INTS1: variants seen among roughly 807,000 people sequenced by gnomAD.
INTS1 encodes the protein integrator complex subunit 1.
Under a neutral mutation model 241.6 loss-of-function variants are expected in INTS1, and 137 were observed. That is an observed-to-expected ratio of 0.57 (90% CI 0.49 to 0.65). The LOEUF (loss-of-function observed/expected upper bound fraction) is 0.65. INTS1 is among the 30% of genes least tolerant of loss of function. The pLI is 0.00. For synonymous variants in INTS1, 1,692 were observed against 1,337.8 expected (o/e 1.26, Z -5.78); for missense variants, 3,073 against 3,032.2 (o/e 1.01, Z -0.32).
At chr7:1,478,063 G>A in intron 33 of INTS1, 127 bp from the exon 34 acceptor site, 1 of 850,152 alleles carries the variant, frequency 1.2e-6, no homozygotes, top group East Asian at 2.5e-5. Context: ...AGTCCAGCCG[G>A]AGCCAGAGAG....
At chr7:1,479,401 T>C (rs1781884683) in intron 31 of INTS1, 29 bp downstream of exon 31, 1 of 1,551,748 alleles carries the variant, frequency 6.4e-7, no homozygotes, top group Middle Eastern at 1.8e-4. Context: ...ACTGCCCTCC[T>C]CCCCCGCAAG....
At chr7:1,504,099 G>A (rs1783345086) in intron 1 of INTS1, 98 bp from the exon 2 acceptor site, 1 of 659,106 alleles carries the variant, frequency 1.5e-6, no homozygotes, top group Non-Finnish European at 2.5e-6. Context: ...TGGGACCCGG[G>A]GACAGTGGTC....
In INTS1 at chr7:1,503,204, G is replaced by T. The variant is rs375103062; in HGVS notation, c.59-13C>A. The T allele has an allele frequency of 9.7e-5, 148 of 1,519,988 alleles. No homozygotes were observed. The highest frequency in any genetic ancestry group is 1.3e-4 in the Non-Finnish European group (148 of 1,135,186). 94.2% of individuals were successfully genotyped at this position (1,519,988 alleles called of 1,614,324 possible). ...GGGGGAGGGTGCCCTGCAGAGAAAG[G>T]AGAGAGAAAACCGGGCACATTTGCA... On this transcript the variant is annotated splice_polypyrimidine_tract_variant and intron_variant, in intron 2 of 47. Transcript: ENST00000404767.
In INTS1 at chr7:1,497,221, T is replaced by C; in HGVS notation, c.1519A>G (p.Lys507Glu). 6.2e-7 allele frequency: 1 copy of C among 1,613,158 alleles called. No individual in the cohort carries two copies. Among genetic ancestry groups the C allele is most frequent in the Non-Finnish European group, 8.5e-7 (1 of 1,179,734 alleles). The stretch of plus-strand genomic sequence containing the variant: ...AAGGCCTGGAAGTTGATCTCGTGCT[T>C]GGTCTGCTTGATGATCTCCCGCAGC... The part of the protein sequence containing the change: ...ALLREIIKQT[K>E]HEINFQAFCL... Residue 507 changes from lysine (K) to glutamate (E), a missense_variant, in exon 11 of 48, where the codon AAG becomes GAG. Lys to Glu is a moderately conservative substitution (Grantham distance 56). Transcript: ENST00000404767. This position sits in a 1 kb window ranked among gnomAD's most constrained non-coding sequence, Gnocchi z 5.3.
At chr7:1,494,793 G>GC (rs1204431068) in intron 14 of INTS1, 23 bp downstream of exon 14, 1 of 1,551,012 alleles carries the variant, frequency 6.4e-7, no homozygotes, top group Non-Finnish European at 8.7e-7. Context: ...GCACACAGGA[G>GC]CCCCAGGCGG....
At position 1,478,380 on chromosome 7, in the gene INTS1, T is replaced by C. The variant is rs1781830139; in HGVS notation, c.4616A>G (p.Asp1539Gly). The change falls in exon 33 of 48, where the codon GAC (aspartate) becomes GGC (glycine). Residue 1539 changes from aspartate (D) to glycine (G), a missense_variant. Asp to Gly is a moderately conservative substitution (Grantham distance 94, BLOSUM62 -1). Transcript: ENST00000404767. Reference protein sequence around the residue: ...RSGEQCSVEPDLISKVLQGLI... With the variant: ...RSGEQCSVEPGLISKVLQGLI... ...CAGGAAGGTACCTTTGCTGATCAGG[T>C]CCGGCTCCACGCTGCACTGCTCCCC... The C allele has an allele frequency of 6.2e-7, 1 of 1,612,618 alleles. No homozygotes were observed. Among genetic ancestry groups the C allele is most frequent in the East Asian group, 2.2e-5 (1 of 44,866 alleles).
In INTS1 at chr7:1,493,760, C is replaced by A. The variant is rs754042228; in HGVS notation, c.2062G>T (p.Ala688Ser). The A allele has an allele frequency of 3.2e-6, 5 of 1,578,034 alleles. No individual in the cohort carries two copies. Among genetic ancestry groups the A allele is most frequent in the Admixed American group, 3.7e-5 (2 of 54,646 alleles). ...TCCCCTGCAGAAGCCATACCATCCG[C>A]CTGCACGGCAGCCGCCCGCTTCACC... The part of the protein sequence containing the change: ...HLVKRAAAVQ[A>S]DDVEVLKVGR... Residue 688 changes from alanine to serine, a missense_variant, in exon 15 of 48, where the codon GCG becomes TCG. By Grantham distance (99) the Ala-to-Ser change is moderately conservative (BLOSUM62 1). Coordinates refer to ENST00000404767, the MANE Select transcript of INTS1 (RefSeq NM_001080453.3). This position sits in a 1 kb window ranked among gnomAD's most constrained non-coding sequence, Gnocchi z 5.3.
At position 1,473,201 on chromosome 7, in the gene INTS1, C is replaced by G. The variant is rs757694875; in HGVS notation, c.5958-17G>C. On this transcript the variant is annotated splice_polypyrimidine_tract_variant and intron_variant, in intron 42 of 47. Coordinates refer to ENST00000404767, the MANE Select transcript of INTS1 (RefSeq NM_001080453.3). ...GACAGGTCGCTGGGGAGAGAAGATG[C>G]TTTCACCTGGGAGGAAGACGCTGGC... 11 of 1,577,144 alleles carry G rather than the reference C, an allele frequency of 7.0e-6. No homozygotes were observed. Among genetic ancestry groups the G allele is most frequent in the South Asian group, 1.1e-5 (1 of 89,536 alleles).
chr7:1,492,663 G>A (rs993185668), intron 16 of INTS1, among the ~76,000 whole-genome samples: 1 of 152,202 alleles, frequency 6.6e-6, no homozygotes, highest in Non-Finnish European at 1.5e-5. Flanking sequence ...AAACACAGGA[G>A]AAAAAGGTAT....
rs1562520597 is a variant in INTS1, at chr7:1,498,958, C to T, written c.1137+17G>A. ...CCCACCCCCTGCCCCGCCCACCCCC[C>T]CGGGGCGCCCCCGCACCTTGGGGTT... On this transcript the variant is annotated intron_variant, in intron 8 of 47. Coordinates refer to ENST00000404767, the MANE Select transcript of INTS1 (RefSeq NM_001080453.3). 6.7e-7 allele frequency: 1 copy of T among 1,488,734 alleles called. No individual in the cohort carries two copies. Among genetic ancestry groups the T allele is most frequent in the Non-Finnish European group, 9.0e-7 (1 of 1,109,502 alleles). 92.2% of individuals were successfully genotyped at this position (1,488,734 alleles called of 1,614,324 possible). A position where few individuals can be genotyped will look rare whatever the true frequency, so the allele number is the denominator to read the frequency against.
intron 13 of INTS1, 113 bp from the exon 14 acceptor site, chr7:1,495,006 T>C: frequency 3.2e-6 from 4 of 1,236,588 alleles, no homozygotes; most frequent in Non-Finnish European, 4.6e-6. Flanking sequence ...GAGGCCGGGC[T>C]GCCTGGTGCC....
Position 1,481,021 on chromosome 7 carries a change from GC to G in INTS1, c.3851-89del. ...CTCCACAGAAACCAGAGTTGGAGATGCCCCCACCGTCACCAGCACTTCCCAA... is the reference window on the plus strand; with the variant it reads ...CTCCACAGAAACCAGAGTTGGAGATGCCCCACCGTCACCAGCACTTCCCAA... On this transcript the variant is annotated intron_variant, in intron 28 of 47. Coordinates refer to ENST00000404767, the MANE Select transcript of INTS1 (RefSeq NM_001080453.3). This position sits in a 1 kb window ranked among gnomAD's most constrained non-coding sequence, Gnocchi z 6.8. The G allele has an allele frequency of 1.0e-6, 1 of 960,716 alleles. No individual in the cohort carries two copies. Among genetic ancestry groups the G allele is most frequent in the Non-Finnish European group, 1.6e-6 (1 of 616,524 alleles). 59.5% of individuals were successfully genotyped at this position (960,716 alleles called of 1,614,324 possible).
chr7:1,491,907 A>G (rs941936157), intron 16 of INTS1, among the ~76,000 whole-genome samples: 10 of 152,192 alleles, frequency 6.6e-5, no homozygotes, highest in Non-Finnish European at 1.0e-4. Flanking sequence ...CGTTCCCCAC[A>G]AAAAACGGAA....
chr7:1,498,683 G>A (rs1415842490), intron 9 of INTS1, 24 bp downstream of exon 9: 8 of 698,744 alleles, frequency 1.1e-5, no homozygotes, highest in East Asian at 9.7e-5. Flanking sequence ...CCGCACCCCC[G>A]CTCTGCCCCG....
intron 29 of INTS1, 60 bp downstream of exon 29, chr7:1,480,775 G>C: frequency 7.4e-7 from 1 of 1,356,966 alleles, no homozygotes; most frequent in Non-Finnish European, 1.0e-6. Flanking sequence ...CTGGGTCTCT[G>C]TGTTGGCCCC....
rs375215357 is a variant in INTS1, at chr7:1,483,852, G to A, written c.3431C>T (p.Ser1144Leu). 12 of 1,607,150 alleles carry A rather than the reference G, an allele frequency of 7.5e-6. No individual in the cohort carries two copies. The highest frequency in any genetic ancestry group is 1.3e-5 in the African/African-American group (1 of 74,848). ...TAGGAAGACCTGGTCCTGAGACTCC[G>A]ACTGTGGGAAAAGAGGTGGAGTCAG... ...SKEGEEVYSW[S>L]ESQDQVFLRW... Residue 1144 changes from serine (S) to leucine (L), a missense_variant and splice_region_variant, in exon 26 of 48, where the codon TCG (serine) becomes TTG (leucine). Ser to Leu is a moderately radical substitution (Grantham distance 145). Coordinates refer to ENST00000404767, the MANE Select transcript of INTS1 (RefSeq NM_001080453.3).
intron 42 of INTS1, among the ~76,000 whole-genome samples, 179 bp downstream of exon 42, chr7:1,473,387 C>T (rs537779796): frequency 1.9e-4 from 29 of 152,270 alleles, no homozygotes; most frequent in Non-Finnish European, 3.1e-4. Context: ...TGGGTTCAGA[C>T]GGCTTCGGCA....
intron 11 of INTS1, among the ~76,000 whole-genome samples, chr7:1,496,474 C>T (rs1317725436): frequency 6.6e-6 from 1 of 151,542 alleles, no homozygotes; most frequent in Admixed American, 6.6e-5. Context: ...GGGTCTGTAT[C>T]CAGAAGGGAC....
chr7:1,495,386 G>T, intron 13 of INTS1, 47 bp downstream of exon 13: 2 of 1,574,260 alleles, frequency 1.3e-6, no homozygotes, highest in South Asian at 2.3e-5. Flanking sequence ...GGCTTGTCCC[G>T]GCTCAGTGGG....
Sources: allele counts gnomAD v4.1 joint callset (sites outside exome capture counted in the v4.1 genomes callset), GRCh38; gene constraint gnomAD v4.1.1; non-coding constraint Gnocchi (gnomAD v3.1); transcripts MANE v1.5; gene names NCBI Gene and HGNC (gene_info 2026-07-23, HGNC 2026-07-21).